The following MRPL19 variants were observed in gnomAD, a reference collection of about 807,000 sequenced individuals.
The protein encoded by MRPL19 is mitochondrial ribosomal protein L19.
In MRPL19, 31 loss-of-function variants were observed where a neutral mutation model predicts 34.0. The observed-to-expected ratio is 0.91, with a 90% CI of 0.68 to 1.23. The LOEUF (loss-of-function observed/expected upper bound fraction) is 1.23, where lower values mean the gene tolerates loss of function less well. Among genes scored for constraint, MRPL19 ranks in the 50% most tolerant of loss-of-function variants. The pLI, the probability that MRPL19 is intolerant of heterozygous loss-of-function variation, is 0.00. For missense variants in MRPL19, 384 were observed against 367.6 expected, an observed-to-expected ratio of 1.04 and a Z score of -0.37; for synonymous variants, 152 against 127.7, an observed-to-expected ratio of 1.19 and a Z score of -1.28.
At chr2:75,648,665 C>G (rs763022905) in intron 2 of MRPL19, among the ~76,000 whole-genome samples, 57 of 151,574 alleles carry the variant, frequency 3.8e-4, no homozygotes, top group Non-Finnish European at 7.2e-4. Context: ...CGAGACCAGC[C>G]TGGCCAACAT....
In MRPL19 at chr2:75,656,831, T is replaced by G. The variant is rs1408565831; in HGVS notation, c.*1546T>G. On this transcript the variant is annotated 3_prime_UTR_variant, in exon 6 of 6. Transcript: ENST00000393909. Reference sequence around the variant, plus strand: ...GAAACACTTAGCATTGGTTGATGATTTATTCTCTGCTGCTTTGTTCTCCCA... The same window carrying G: ...GAAACACTTAGCATTGGTTGATGATGTATTCTCTGCTGCTTTGTTCTCCCA... 1 of 152,122 alleles carries G rather than the reference T, an allele frequency of 6.6e-6. No homozygotes were observed. Among genetic ancestry groups the G allele is most frequent in the Non-Finnish European group, 1.5e-5 (1 of 68,000 alleles). 9.4% of individuals were successfully genotyped at this position (152,122 alleles called of 1,614,324 possible).
Position 75,660,324 on chromosome 2 carries a change from C to T in MRPL19, c.*5039C>T, listed in dbSNP as rs1289271391. 3 of 152,094 alleles carry T rather than the reference C, an allele frequency of 2.0e-5. No individual in the cohort carries two copies. Among genetic ancestry groups the T allele is most frequent in the Non-Finnish European group, 4.4e-5 (3 of 68,016 alleles). The allele number at this position is 152,094 out of a possible 1,614,324, so 9.4% of individuals were successfully genotyped here. On this transcript the variant is annotated 3_prime_UTR_variant, in exon 6 of 6. Coordinates refer to ENST00000393909, the MANE Select transcript of MRPL19 (RefSeq NM_014763.4). ...CTTATTTAAGACAATTGTTTAAAGT[C>T]TTTGCATAGTAAGTCCAATGTCTGT...
At chr2:75,647,257 T>G in intron 2 of MRPL19, 38 bp downstream of exon 2, 2 of 1,544,392 alleles carry the variant, frequency 1.3e-6, no homozygotes, top group Non-Finnish European at 1.8e-6. Context: ...GCAACTGGGG[T>G]CGGTGCGCGC....
Position 75,660,083 on chromosome 2 carries a change from CTTTT to C in MRPL19, c.*4800_*4803del, listed in dbSNP as rs914997553. 2.6e-5 allele frequency among the ~76,000 whole-genome samples: 4 copies of C among 151,870 alleles called. No individual in the cohort carries two copies. The highest frequency in any genetic ancestry group is 1.9e-4 in the East Asian group (1 of 5,186). Reference sequence around the variant, plus strand: ...AGACTTGATTATTGCAGTTGCCCTTCTTTTTATTTTTTTCAAGTTTGTTGATTCT... The same window carrying C: ...AGACTTGATTATTGCAGTTGCCCTTCTATTTTTTTCAAGTTTGTTGATTCT... On this transcript the variant is annotated 3_prime_UTR_variant, in exon 6 of 6. Coordinates refer to ENST00000393909, the MANE Select transcript of MRPL19 (RefSeq NM_014763.4).
chr2:75,656,848 G>C lies in MRPL19; in HGVS notation c.*1563G>C, dbSNP rs1678466033. On this transcript the variant is annotated 3_prime_UTR_variant, in exon 6 of 6. Coordinates refer to ENST00000393909, the MANE Select transcript of MRPL19 (RefSeq NM_014763.4). ...TTGATGATTTATTCTCTGCTGCTTT[G>C]TTCTCCCAACTATTATTTGGATGTT... is the stretch of plus-strand genomic sequence containing the variant. The C allele has an allele frequency of 3.9e-5, 6 of 151,988 alleles. No individual in the cohort carries two copies. Among genetic ancestry groups the C allele is most frequent in the Admixed American group, 3.9e-4 (6 of 15,254 alleles). 9.4% of individuals were successfully genotyped at this position (151,988 alleles called of 1,614,324 possible).
chr2:75,658,624 G>GT lies in MRPL19; in HGVS notation c.*3346dup, dbSNP rs1264244590. Reference sequence around the variant, plus strand: ...TCTACATGTTTATGAATTTCCCACTGTTTTTTTGTTATTGATTTCCAAGTT... The same window carrying GT: ...TCTACATGTTTATGAATTTCCCACTGTTTTTTTTGTTATTGATTTCCAAGTT... On this transcript the variant is annotated 3_prime_UTR_variant, in exon 6 of 6. Transcript: ENST00000393909. Among the ~76,000 whole-genome samples, 2 of 152,052 alleles carry GT rather than the reference G, an allele frequency of 1.3e-5. No homozygotes were observed. The highest frequency in any genetic ancestry group is 1.3e-4 in the Admixed American group (2 of 15,262).
At position 75,652,142 on chromosome 2, in the gene MRPL19, G is replaced by A; in HGVS notation, c.222G>A (p.Arg74=). 1 of 1,533,830 alleles carries A rather than the reference G, an allele frequency of 6.5e-7. No individual in the cohort carries two copies. Among genetic ancestry groups the A allele is most frequent in the African/African-American group, 1.4e-5 (1 of 71,696 alleles). ...DKHRPVEPER[R]FLSPEFIPRR... is the part of the protein sequence containing the mutation. ...AATTATTTATTTGTATTTTTTACAG[G>A]TTCTTGAGTCCTGAATTCATTCCTC... is the stretch of plus-strand genomic sequence containing the variant. The change falls in exon 3 of 6, where the codon AGG becomes AGA. Residue 74 remains arginine, a splice_region_variant and synonymous_variant. Transcript: ENST00000393909.
intron 4 of MRPL19, 65 bp downstream of exon 4, chr2:75,652,722 G>A: frequency 6.6e-7 from 1 of 1,521,048 alleles, no homozygotes; most frequent in Non-Finnish European, 8.9e-7. Flanking sequence ...TTTTGTTTCT[G>A]CATCCTGGGA....
rs751975232 is a variant in MRPL19, at chr2:75,659,653, T to C, written c.*4368T>C. Among the ~76,000 whole-genome samples, 6 of 152,170 alleles carry C rather than the reference T, an allele frequency of 3.9e-5. No individual in the cohort carries two copies. The highest frequency in any genetic ancestry group is 2.1e-4 in the South Asian group (1 of 4,834). ...ATAATTTTGCCAGATACATGAATTTTTGGTAACAGTATTTTTCTTTCAGCA... is the reference window on the plus strand; with the variant it reads ...ATAATTTTGCCAGATACATGAATTTCTGGTAACAGTATTTTTCTTTCAGCA... On this transcript the variant is annotated 3_prime_UTR_variant, in exon 6 of 6. Transcript: ENST00000393909.
Position 75,655,350 on chromosome 2 carries a change from C to A in MRPL19, c.*65C>A. ...GCTCTAAGAGGATATATTTTGAGAC[C>A]AATTTAATTTCATTTATAAGAACAT... is the stretch of plus-strand genomic sequence containing the variant. On this transcript the variant is annotated 3_prime_UTR_variant, in exon 6 of 6. Coordinates refer to ENST00000393909, the MANE Select transcript of MRPL19 (RefSeq NM_014763.4). The A allele has an allele frequency of 2.6e-6, 3 of 1,157,230 alleles. No homozygotes were observed. The highest frequency in any genetic ancestry group is 3.7e-6 in the Non-Finnish European group (3 of 803,402). 71.7% of individuals were successfully genotyped at this position (1,157,230 alleles called of 1,614,324 possible). A position where few individuals can be genotyped will look rare whatever the true frequency, so the allele number is the denominator to read the frequency against.
At chr2:75,651,517 GT>G in intron 2 of MRPL19, 2 of 491,090 alleles carry the variant, frequency 4.1e-6, no homozygotes, top group Admixed American at 2.1e-5. Flanking sequence ...GTAGATAGGT[GT>G]TACAGTTGTC....
intron 2 of MRPL19, among the ~76,000 whole-genome samples, chr2:75,649,223 A>G (rs1011896719): frequency 1.3e-5 from 2 of 152,230 alleles, no homozygotes; most frequent in East Asian, 3.8e-4. Context: ...ATGACCAAAT[A>G]TGTGTGAAGC....
rs1257718529 is a variant in MRPL19, at chr2:75,661,447, C to G, written c.*6162C>G. 1 of 152,044 alleles carries G rather than the reference C, an allele frequency of 6.6e-6. No individual in the cohort carries two copies. Among genetic ancestry groups the G allele is most frequent in the Non-Finnish European group, 1.5e-5 (1 of 68,114 alleles). The allele number at this position is 152,044 out of a possible 1,614,324, so 9.4% of individuals were successfully genotyped here. On this transcript the variant is annotated 3_prime_UTR_variant, in exon 6 of 6. Transcript: ENST00000393909. ...AAAGTGCTGCAATTACACGCGTGAA[C>G]CACCACACCCAGCCCCTGCTTGTTT...
At chr2:75,652,382 G>A in intron 3 of MRPL19, 122 bp downstream of exon 3, 1 of 1,296,728 alleles carries the variant, frequency 7.7e-7, no homozygotes, top group Non-Finnish European at 1.1e-6. Flanking sequence ...ATGCTCATAT[G>A]AAGTATTTAT....
At chr2:75,651,503 G>A (rs770048043) in intron 2 of MRPL19, 85 of 510,116 alleles carry the variant, frequency 1.7e-4, no homozygotes, top group Non-Finnish European at 3.2e-4. Context: ...GTTACTCTTC[G>A]TCTGTAGATA....
At position 75,652,153 on chromosome 2, in the gene MRPL19, CT is replaced by C. The variant is rs757470579; in HGVS notation, c.234del (p.Glu79AsnfsTer12). 6.3e-7 allele frequency: 1 copy of C among 1,576,892 alleles called. No homozygotes were observed. Among genetic ancestry groups the C allele is most frequent in the Non-Finnish European group, 8.6e-7 (1 of 1,161,106 alleles). The stretch of plus-strand genomic sequence containing the variant: ...TGTATTTTTTACAGGTTCTTGAGTC[CT>C]GAATTCATTCCTCGAAGGGGAAGAA... Reference protein sequence around the residue: ...PVEPERRFLSPEFIPRRGRTD... With the variant: ...PVEPERRFLSXEFIPRRGRTD... On this transcript the variant is annotated frameshift_variant, in exon 3 of 6. Coordinates refer to ENST00000393909, the MANE Select transcript of MRPL19 (RefSeq NM_014763.4). LOFTEE classifies it high-confidence loss of function.
chr2:75,652,963 T>C (rs1405256559), intron 4 of MRPL19, among the ~76,000 whole-genome samples: 3 of 152,216 alleles, frequency 2.0e-5, no homozygotes, highest in African/African-American at 7.2e-5. Context: ...GGATATTTGT[T>C]TTAGGAGCAA....
chr2:75,647,536 A>G, intron 2 of MRPL19: 1 of 249,502 alleles, frequency 4.0e-6, no homozygotes, highest in East Asian at 7.6e-5. Flanking sequence ...GTTTACGTCC[A>G]AGAGCTCTTC....
At chr2:75,654,301 G>T (rs2104134735) in intron 4 of MRPL19, among the ~76,000 whole-genome samples, 1 of 152,214 alleles carries the variant, frequency 6.6e-6, no homozygotes, top group East Asian at 1.9e-4. Flanking sequence ...TTAATCAAAG[G>T]AGCTTCTAAC....
Sources: allele counts gnomAD v4.1 joint callset (sites outside exome capture counted in the v4.1 genomes callset), GRCh38; gene constraint gnomAD v4.1.1; transcripts MANE v1.5; gene names NCBI Gene and HGNC (gene_info 2026-07-23, HGNC 2026-07-21).